Variants in KIAA1328 observed in about 807,000 individuals in gnomAD.
The protein encoded by KIAA1328 is KIAA1328.
Under a neutral mutation model 68.1 loss-of-function variants are expected in KIAA1328, and 52 were observed. That is an observed-to-expected ratio of 0.76 (90% CI 0.61 to 0.96). KIAA1328 has a LOEUF of 0.96. Among genes scored for constraint, KIAA1328 ranks in the 40% least tolerant of loss-of-function variants. The probability of loss-of-function intolerance (pLI) is 0.00; values close to 1 mark genes in which losing one functional copy is unlikely to be tolerated. For synonymous variants in KIAA1328, 232 were observed against 239.4 expected (o/e 0.97, Z 0.28); for missense variants, 641 against 677.6 (o/e 0.95, Z 0.60).
chr18:36,859,680 G>A (rs1356916006), intron 4 of KIAA1328, among the ~76,000 whole-genome samples: 2 of 151,684 alleles, frequency 1.3e-5, no homozygotes, highest in African/African-American at 4.8e-5. Flanking sequence ...GAACCCCTGG[G>A]CTCAAGCTCT....
intron 4 of KIAA1328, among the ~76,000 whole-genome samples, chr18:36,845,241 T>C (rs9949083): frequency 0.31 from 46,582 of 151,588 alleles, 10,012 homozygotes; most frequent in African/African-American, 0.61. Flanking sequence ...TAATCTCTTT[T>C]ATTAGAATTC....
chr18:36,871,249 C>T (rs1568102400), intron 4 of KIAA1328, among the ~76,000 whole-genome samples: 1 of 152,200 alleles, frequency 6.6e-6, no homozygotes, highest in Non-Finnish European at 1.5e-5. Flanking sequence ...CACTAAAAAT[C>T]TAGCCAAAGG....
chr18:37,133,521 A>C (rs1239559052), intron 7 of KIAA1328, among the ~76,000 whole-genome samples: 2 of 141,110 alleles, frequency 1.4e-5, no homozygotes, highest in Non-Finnish European at 3.0e-5. Flanking sequence ...TTTTCTATAT[A>C]GTAATTTTTT....
Position 37,145,131 on chromosome 18 carries a change from G to A in KIAA1328, c.1233-15069G>A, listed in dbSNP as rs371550139. On this transcript the variant is annotated intron_variant, in intron 7 of 9. Coordinates refer to ENST00000280020, the MANE Select transcript of KIAA1328 (RefSeq NM_020776.3). ...ATGCCTATAGCCCTAGCTGCTCAGC[G>A]GAAGTGGAGGTTGCAGTGAGCCATG... 2.1e-4 allele frequency among the ~76,000 whole-genome samples: 32 copies of A among 152,150 alleles called. No homozygotes were observed. The East Asian group carries it at 5.1e-3, about 24-fold the overall frequency.
intron 6 of KIAA1328, among the ~76,000 whole-genome samples, chr18:37,035,432 C>A (rs1373344288): frequency 6.6e-6 from 1 of 152,120 alleles, no homozygotes; most frequent in Non-Finnish European, 1.5e-5. Flanking sequence ...AGTTTGAGAA[C>A]CTCTGTGCTA....
At chr18:37,055,709 G>A (rs1224090877) in intron 6 of KIAA1328, among the ~76,000 whole-genome samples, 1 of 152,182 alleles carries the variant, frequency 6.6e-6, no homozygotes, top group Non-Finnish European at 1.5e-5. Context: ...AGTAGTTTAG[G>A]TTTAGAAATA....
At chr18:36,931,155 A>T (rs935259566) in intron 5 of KIAA1328, among the ~76,000 whole-genome samples, 3 of 152,082 alleles carry the variant, frequency 2.0e-5, no homozygotes, top group Non-Finnish European at 4.4e-5. Flanking sequence ...AAAAACTCCC[A>T]AACAATAAAG....
intron 7 of KIAA1328, among the ~76,000 whole-genome samples, chr18:37,078,203 A>T (rs2056816051): frequency 6.6e-6 from 1 of 152,222 alleles, no homozygotes; most frequent in Admixed American, 6.5e-5. Flanking sequence ...ATCTTTGACA[A>T]ATCTGAGAAA....
intron 9 of KIAA1328, among the ~76,000 whole-genome samples, chr18:37,174,082 G>T (rs2059550761): frequency 6.6e-6 from 1 of 152,124 alleles, no homozygotes; most frequent in African/African-American, 2.4e-5. Context: ...TATCTGCCAT[G>T]TCCCTAGCAC....
At chr18:36,974,835 T>G (rs1598867394) in intron 6 of KIAA1328, among the ~76,000 whole-genome samples, 2 of 152,222 alleles carry the variant, frequency 1.3e-5, no homozygotes, top group Non-Finnish European at 2.9e-5. Context: ...TCTAATGGAC[T>G]CTGGCTCAAA....
At chr18:36,852,369 C>T (rs1489360950) in intron 4 of KIAA1328, among the ~76,000 whole-genome samples, 1 of 152,084 alleles carries the variant, frequency 6.6e-6, no homozygotes, top group African/African-American at 2.4e-5. Context: ...CTCAGTATAC[C>T]ACTGGAGGCT....
chr18:37,118,437 G>T (rs921660619), intron 7 of KIAA1328, among the ~76,000 whole-genome samples: 1 of 152,090 alleles, frequency 6.6e-6, no homozygotes, highest in Non-Finnish European at 1.5e-5. Context: ...TGCAGGAATT[G>T]GGTTGTTGTA....
chr18:36,886,661 G>T (rs2048512741), intron 5 of KIAA1328, among the ~76,000 whole-genome samples: 1 of 152,144 alleles, frequency 6.6e-6, no homozygotes, highest in Non-Finnish European at 1.5e-5. Flanking sequence ...CAGCAATATG[G>T]ATGTAGAAGA....
chr18:36,894,214 A>G (rs2048796383), intron 5 of KIAA1328, among the ~76,000 whole-genome samples: 1 of 152,198 alleles, frequency 6.6e-6, no homozygotes, highest in Non-Finnish European at 1.5e-5. Context: ...TTTAAAGCAC[A>G]ATTTTATAAA....
intron 7 of KIAA1328, among the ~76,000 whole-genome samples, chr18:37,156,844 GT>G (rs543584181): frequency 7.4e-4 from 112 of 152,284 alleles, no homozygotes; most frequent in African/African-American, 2.2e-3. Flanking sequence ...CAGGTCAGCA[GT>G]TTTGGCAAGC....
At chr18:37,045,856 C>A (rs1274607699) in intron 6 of KIAA1328, among the ~76,000 whole-genome samples, 1 of 152,152 alleles carries the variant, frequency 6.6e-6, no homozygotes, top group African/African-American at 2.4e-5. Flanking sequence ...TGTAGTATAA[C>A]ACATGTGAGG....
At chr18:36,990,697 T>G (rs529151758) in intron 6 of KIAA1328, among the ~76,000 whole-genome samples, 11 of 151,858 alleles carry the variant, frequency 7.2e-5, no homozygotes, top group South Asian at 6.2e-4. Context: ...TATATTTGTG[T>G]TTTTTTCTAA....
At chr18:36,865,063 C>CT (rs1179086453) in intron 4 of KIAA1328, among the ~76,000 whole-genome samples, 1 of 141,312 alleles carries the variant, frequency 7.1e-6, no homozygotes, top group Non-Finnish European at 1.5e-5. Flanking sequence ...ACTCTTATCT[C>CT]TATTATTTCC....
chr18:37,205,329 A>G (rs2060197165), intron 9 of KIAA1328, among the ~76,000 whole-genome samples: 1 of 152,182 alleles, frequency 6.6e-6, no homozygotes, highest in Non-Finnish European at 1.5e-5. Flanking sequence ...TGAGAAGGTA[A>G]GTTTATGGGA....
Sources: gnomAD v4.1 joint callset for allele counts (sites outside exome capture counted in the v4.1 genomes callset) on GRCh38, gnomAD v4.1.1 for gene constraint, MANE v1.5 for transcripts, NCBI Gene and HGNC (gene_info 2026-07-23, HGNC 2026-07-21) for gene names.